Variants in PI4KA observed in about 807,000 individuals in gnomAD.
PI4KA encodes phosphatidylinositol 4-kinase alpha.
Under a neutral mutation model 271.4 loss-of-function variants are expected in PI4KA, and 122 were observed. That is an observed-to-expected ratio of 0.45 (90% CI 0.39 to 0.52). The LOEUF is 0.52. Among genes scored for constraint, PI4KA ranks in the 20% least tolerant of loss-of-function variants. PI4KA has a pLI of 0.00. For synonymous variants in PI4KA, 1,041 were observed against 1,078.8 expected (o/e 0.96, Z 0.69); for missense variants, 1,969 against 2,769.1 (o/e 0.71, Z 6.48).
intron 16 of PI4KA, 156 bp downstream of exon 16, chr22:20,798,937 C>A (rs1205342879): frequency 1.5e-6 from 1 of 658,380 alleles, no homozygotes; most frequent in Admixed American, 2.9e-5. Flanking sequence ...GCACTCACAG[C>A]ATCTTACACT....
intron 7 of PI4KA, among the ~76,000 whole-genome samples, chr22:20,817,410 A>G (rs531100328): frequency 2.0e-5 from 3 of 152,202 alleles, no homozygotes; most frequent in Admixed American, 2.0e-4. Context: ...TAAATTATGT[A>G]AAAGTACTTT....
At chr22:20,817,138 G>A (rs944849414) in intron 7 of PI4KA, among the ~76,000 whole-genome samples, 20 of 152,116 alleles carry the variant, frequency 1.3e-4, no homozygotes, top group Non-Finnish European at 2.8e-4. Flanking sequence ...AGATCTAAGA[G>A]ATGGAAAGCT....
At chr22:20,821,833 G>A (rs1029491774) in intron 4 of PI4KA, among the ~76,000 whole-genome samples, 1 of 152,112 alleles carries the variant, frequency 6.6e-6, no homozygotes, top group Non-Finnish European at 1.5e-5. Flanking sequence ...TCAGGTGATC[G>A]ATCCACCCAC....
chr22:20,838,254 C>T (rs1056540547), intron 2 of PI4KA, among the ~76,000 whole-genome samples: 5 of 151,844 alleles, frequency 3.3e-5, no homozygotes, highest in African/African-American at 9.7e-5. Flanking sequence ...AATACAATAC[C>T]CCTGAGTCTG....
Position 20,858,790 on chromosome 22 carries a change from G to GGGC in PI4KA, c.-68_-66dup. 7.3e-7 allele frequency: 1 copy of GGGC among 1,367,048 alleles called. No individual in the cohort carries two copies. Among genetic ancestry groups the GGGC allele is most frequent in the Non-Finnish European group, 9.5e-7 (1 of 1,056,590 alleles). The allele number at this position is 1,367,048 out of a possible 1,614,324, so 84.7% of individuals were successfully genotyped here. Reference sequence around the variant, plus strand: ...CCTGGCCCGCGAGCGCCCGACCTCAGGGCGCAGGCGTAGGTGCATCCGGCT... The same window carrying GGGC: ...CCTGGCCCGCGAGCGCCCGACCTCAGGGCGGCGCAGGCGTAGGTGCATCCGGCT... On this transcript the variant is annotated 5_prime_UTR_variant, in exon 1 of 55. Coordinates refer to ENST00000255882, the MANE Select transcript of PI4KA (RefSeq NM_058004.4).
At chr22:20,727,460 T>G in intron 40 of PI4KA, 63 bp from the exon 41 acceptor site, 2 of 1,434,260 alleles carry the variant, frequency 1.4e-6, no homozygotes, top group Non-Finnish European at 1.9e-6. Flanking sequence ...AAATACCTGG[T>G]CCACGGGCCA....
At chr22:20,771,666 T>C (rs1487521462) in intron 19 of PI4KA, among the ~76,000 whole-genome samples, 15 of 151,604 alleles carry the variant, frequency 9.9e-5, no homozygotes, top group Non-Finnish European at 1.6e-4. Context: ...ACTGCAACCT[T>C]CACCTCCCAG....
intron 1 of PI4KA, 28 bp downstream of exon 1, chr22:20,858,542 A>C: frequency 7.4e-7 from 1 of 1,344,304 alleles, no homozygotes; most frequent in Non-Finnish European, 9.6e-7. Context: ...TCCTCCTGTC[A>C]GCCCGCGGCC....
chr22:20,794,481 G>A (rs533226378), intron 18 of PI4KA, among the ~76,000 whole-genome samples: 7 of 152,274 alleles, frequency 4.6e-5, no homozygotes, highest in Non-Finnish European at 1.0e-4. Context: ...TACCCCACTG[G>A]GAGACTTGGG....
At chr22:20,818,419 A>G in intron 7 of PI4KA, 64 bp downstream of exon 7, 1 of 1,234,386 alleles carries the variant, frequency 8.1e-7, no homozygotes, top group Non-Finnish European at 1.1e-6. Flanking sequence ...ATATCACGAG[A>G]AGTCACTGTG....
chr22:20,710,679 T>A lies in PI4KA; in HGVS notation c.6083+20A>T, dbSNP rs760208626. 1 of 1,613,844 alleles carries A rather than the reference T, an allele frequency of 6.2e-7. No homozygotes were observed. Among genetic ancestry groups the A allele is most frequent in the African/African-American group, 1.3e-5 (1 of 74,914 alleles). On this transcript the variant is annotated intron_variant, in intron 52 of 54. Transcript: ENST00000255882. ...CCACACACCCCCTCCGCCTCCACCC[T>A]GGCCCTCACCCAGGCTCACCGCACA...
intron 23 of PI4KA, among the ~76,000 whole-genome samples, chr22:20,756,607 C>G (rs1931337007): frequency 6.6e-6 from 1 of 151,594 alleles, no homozygotes; most frequent in Non-Finnish European, 1.5e-5. Context: ...CAATCAATGT[C>G]ATGTAGTAGC....
chr22:20,707,977 G>T lies in PI4KA; in HGVS notation c.*70C>A, dbSNP rs1240882097. 2.3e-6 allele frequency: 3 copies of T among 1,327,662 alleles called. No individual in the cohort carries two copies. The highest frequency in any genetic ancestry group is 3.3e-6 in the Non-Finnish European group (3 of 919,626). The allele number at this position is 1,327,662 out of a possible 1,614,324, so 82.2% of individuals were successfully genotyped here. A position where few individuals can be genotyped will look rare whatever the true frequency, so the allele number is the denominator to read the frequency against. ...CTGCATGTGGCGGCAGGGCAGGGAGGTCGCAGGGCTCCATGATTGTGGGAC... is the reference window on the plus strand; with the variant it reads ...CTGCATGTGGCGGCAGGGCAGGGAGTTCGCAGGGCTCCATGATTGTGGGAC... On this transcript the variant is annotated 3_prime_UTR_variant, in exon 55 of 55. Coordinates refer to ENST00000255882, the MANE Select transcript of PI4KA (RefSeq NM_058004.4).
Position 20,823,981 on chromosome 22 carries a change from C to T in PI4KA, c.456+345G>A, listed in dbSNP as rs574704720. On this transcript the variant is annotated intron_variant, in intron 4 of 54. Coordinates refer to ENST00000255882, the MANE Select transcript of PI4KA (RefSeq NM_058004.4). ...GATCTTCTATGAATGACTTCAATCCCCAACAAAGAGCAAGAAAAATGAGCT... is the reference window on the plus strand; with the variant it reads ...GATCTTCTATGAATGACTTCAATCCTCAACAAAGAGCAAGAAAAATGAGCT... Among the ~76,000 whole-genome samples, 4 of 151,992 alleles carry T rather than the reference C, an allele frequency of 2.6e-5. No individual in the cohort carries two copies. In the South Asian group the frequency reaches 8.3e-4, roughly 32 times the overall value.
rs2012763729 is a variant in PI4KA, at chr22:20,744,826, G to A, written c.3364-106C>T. ...TGAAGCAGTCACACTCGGGTCTGGGGGTTACTATTAATAAAAATCTTCACT... is the reference window on the plus strand; with the variant it reads ...TGAAGCAGTCACACTCGGGTCTGGGAGTTACTATTAATAAAAATCTTCACT... On this transcript the variant is annotated intron_variant, in intron 29 of 54. Coordinates refer to ENST00000255882, the MANE Select transcript of PI4KA (RefSeq NM_058004.4). 1.8e-5 allele frequency: 14 copies of A among 760,766 alleles called. No individual in the cohort carries two copies. The Admixed American group carries it at 2.2e-4, about 12-fold the overall frequency. 47.1% of individuals were successfully genotyped at this position (760,766 alleles called of 1,614,324 possible).
chr22:20,737,477 G>A (rs1228638019), intron 32 of PI4KA, among the ~76,000 whole-genome samples: 1 of 152,062 alleles, frequency 6.6e-6, no homozygotes, highest in Non-Finnish European at 1.5e-5. Flanking sequence ...ACCAGACAGG[G>A]AGGCCAGAAG....
In PI4KA at chr22:20,749,925, C is replaced by T. The variant is rs760530876; in HGVS notation, c.3223G>A (p.Val1075Ile). 20 of 1,611,026 alleles carry T rather than the reference C, an allele frequency of 1.2e-5. 1 individual carries two copies. The highest frequency in any genetic ancestry group is 8.8e-5 in the South Asian group (8 of 91,012). ...AGTACCTGCAGGTGGGACTTGGTGA[C>T]GGTAGGTGCCCACTTCATGGCCTCC... Reference protein sequence around the residue: ...LQEAMKWAPTVTKSHLQEYLN... With the variant: ...LQEAMKWAPTITKSHLQEYLN... Residue 1075 changes from valine to isoleucine, a missense_variant, in exon 28 of 55, where the codon GTC (valine) becomes ATC (isoleucine). By Grantham distance (29) the Val-to-Ile change is conservative (BLOSUM62 3). Transcript: ENST00000255882.
At position 20,820,614 on chromosome 22, in the gene PI4KA, G is replaced by T; in HGVS notation, c.457-3C>A. 1 of 1,590,568 alleles carries T rather than the reference G, an allele frequency of 6.3e-7. No individual in the cohort carries two copies. Among genetic ancestry groups the T allele is most frequent in the Non-Finnish European group, 8.6e-7 (1 of 1,163,584 alleles). On this transcript the variant is annotated splice_polypyrimidine_tract_variant and splice_region_variant and intron_variant, in intron 4 of 54. Coordinates refer to ENST00000255882, the MANE Select transcript of PI4KA (RefSeq NM_058004.4). ...ACCTGCAAAAGCACCTCTAAAATCT[G>T]TAACAGTCAAGGAAACAAGAAAAAA...
Position 20,764,934 on chromosome 22 carries a change from A to C in PI4KA, c.2591T>G (p.Leu864Arg). Residue 864 changes from leucine (L) to arginine (R), a missense_variant, in exon 22 of 55, where the codon CTC (leucine) becomes CGC (arginine). Physicochemically the swap from Leu to Arg is moderately radical, Grantham distance 102. This residue lies in a region of PI4KA where 368 missense variants were observed against 544.3 expected (regional missense o/e 0.68). Transcript: ENST00000255882. The part of the protein sequence containing the change: ...DTVTPAELSE[L>R]RSTIINLLDP... ...CAGCAGGTTGATGATAGTGCTGCGG[A>C]GCTCACTCAGCTCAGCCTGGAGGGA... is the stretch of plus-strand genomic sequence containing the variant. 1 of 1,607,648 alleles carries C rather than the reference A, an allele frequency of 6.2e-7. No individual in the cohort carries two copies.
Sources: allele counts gnomAD v4.1 joint callset (sites outside exome capture counted in the v4.1 genomes callset), GRCh38; gene constraint gnomAD v4.1.1; regional missense constraint gnomAD v4.1.1; transcripts MANE v1.5; gene names NCBI Gene and HGNC (gene_info 2026-07-23, HGNC 2026-07-21).